The following UGT1A6 variants were observed in gnomAD, a reference collection of about 807,000 sequenced individuals.
UGT1A6 encodes UDP glucuronosyltransferase family 1 member A6, also known as UDP-glucuronosyltransferase 1A6.
Under a neutral mutation model 44.4 loss-of-function variants are expected in UGT1A6, and 32 were observed. The observed-to-expected ratio is 0.72, with a 90% confidence interval of 0.54 to 0.97. The LOEUF (loss-of-function observed/expected upper bound fraction) is 0.97. Ranked by LOEUF, UGT1A6 falls within the 50% of genes least tolerant of loss-of-function variation. UGT1A6 has a pLI of 0.00. For synonymous variants in UGT1A6, 238 were observed against 248.5 expected (o/e 0.96, Z 0.40); for missense variants, 685 against 661.9 (o/e 1.03, Z -0.38).
intron 1 of UGT1A6, among the ~76,000 whole-genome samples, chr2:233,721,208 T>C (rs1235207261): frequency 6.6e-6 from 1 of 152,250 alleles, no homozygotes; most frequent in East Asian, 1.9e-4. Flanking sequence ...ACTGGTTTTC[T>C]TTTCCCCTTA....
Position 233,756,181 on chromosome 2 carries a change from G to A in UGT1A6, c.862-10853G>A, listed in dbSNP as rs998894236. 3.9e-5 allele frequency: 6 copies of A among 152,158 alleles called. No homozygotes were observed. In the South Asian group the frequency reaches 6.2e-4, roughly 16 times the overall value. The allele number at this position is 152,158 out of a possible 1,614,324, so 9.4% of individuals were successfully genotyped here. ...TTTCCTGGCTCATACTTTGAGAATC[G>A]CTAGTCTAGCAGAGTAGTCCCTGGT... is the stretch of plus-strand genomic sequence containing the variant. On this transcript the variant is annotated intron_variant, in intron 1 of 4. Coordinates refer to ENST00000305139, the MANE Select transcript of UGT1A6 (RefSeq NM_001072.4).
intron 1 of UGT1A6, among the ~76,000 whole-genome samples, chr2:233,752,942 C>T (rs540473054): frequency 6.6e-6 from 1 of 152,310 alleles, no homozygotes; most frequent in South Asian, 2.1e-4. Context: ...CTTTGCTGAC[C>T]ACTGAACAAT....
chr2:233,740,052 T>C (rs368597738), intron 1 of UGT1A6, among the ~76,000 whole-genome samples: 5 of 151,870 alleles, frequency 3.3e-5, no homozygotes, highest in African/African-American at 1.2e-4. Context: ...CTTTCTCCTT[T>C]ACTCACAAGC....
chr2:233,749,957 G>T (rs1223169654), intron 1 of UGT1A6, among the ~76,000 whole-genome samples: 2 of 151,888 alleles, frequency 1.3e-5, no homozygotes, highest in African/African-American at 4.9e-5. Context: ...CGAGTCTTGG[G>T]TATGTCTTTA....
At chr2:233,729,970 G>A in intron 1 of UGT1A6, 4 of 1,614,030 alleles carry the variant, frequency 2.5e-6, no homozygotes, top group Non-Finnish European at 3.4e-6. Flanking sequence ...CATCAACTGT[G>A]CCAACAGGAA....
intron 1 of UGT1A6, among the ~76,000 whole-genome samples, chr2:233,725,051 G>A: frequency 6.8e-6 from 1 of 147,840 alleles, no homozygotes; most frequent in East Asian, 2.1e-4. Flanking sequence ...GTCAGGCGTG[G>A]CGGCGCGCGC....
At chr2:233,736,086 A>G (rs1432268125) in intron 1 of UGT1A6, among the ~76,000 whole-genome samples, 1 of 152,152 alleles carries the variant, frequency 6.6e-6, no homozygotes, top group Admixed American at 6.5e-5. Flanking sequence ...GTTCTCCTGG[A>G]TAATATCCTG....
intron 1 of UGT1A6, among the ~76,000 whole-genome samples, chr2:233,750,114 G>T (rs1694365231): frequency 6.6e-6 from 1 of 151,914 alleles, no homozygotes; most frequent in South Asian, 2.1e-4. Flanking sequence ...AAGAAGACAG[G>T]AAGATGTGGG....
At chr2:233,765,838 T>A (rs1248201211) in intron 1 of UGT1A6, among the ~76,000 whole-genome samples, 1 of 152,108 alleles carries the variant, frequency 6.6e-6, no homozygotes, top group Non-Finnish European at 1.5e-5. Flanking sequence ...AAAACTTTCC[T>A]TGTCCCCCTC....
At position 233,719,178 on chromosome 2, in the gene UGT1A6, G is replaced by A. The variant is rs749190317; in HGVS notation, c.861+25313G>A. On this transcript the variant is annotated intron_variant, in intron 1 of 4. Transcript: ENST00000305139. ...TAGAAGTATGGCAATTATGAACAAT[G>A]TATCTTTGGCCCTTCATAGGTGTTG... The A allele has an allele frequency of 1.7e-5, 27 of 1,614,094 alleles. No homozygotes were observed. The highest frequency in any genetic ancestry group is 1.6e-4 in the Middle Eastern group (1 of 6,084).
intron 1 of UGT1A6, among the ~76,000 whole-genome samples, chr2:233,757,354 A>G (rs1200250892): frequency 1.3e-5 from 2 of 150,876 alleles, no homozygotes; most frequent in Non-Finnish European, 2.9e-5. Flanking sequence ...GGTCTGAGAG[A>G]CAGTGGTAGA....
At chr2:233,724,637 T>G (rs1254622802) in intron 1 of UGT1A6, among the ~76,000 whole-genome samples, 13 of 131,504 alleles carry the variant, frequency 9.9e-5, no homozygotes, top group African/African-American at 2.7e-4. Context: ...TTCCTAGATG[T>G]GATGGCGGCT....
chr2:233,722,507 T>C lies in UGT1A6; in HGVS notation c.861+28642T>C, dbSNP rs188387982. 9.8e-5 allele frequency among the ~76,000 whole-genome samples: 15 copies of C among 152,358 alleles called. No individual in the cohort carries two copies. The East Asian group carries it at 1.5e-3, about 16-fold the overall frequency. On this transcript the variant is annotated intron_variant, in intron 1 of 4. Transcript: ENST00000305139. The stretch of plus-strand genomic sequence containing the variant: ...ACTGTTTCATTTTCCGTTTCGTTAA[T>C]TGCAGCTTATTTTTGCCTTAATGAT...
At position 233,754,406 on chromosome 2, in the gene UGT1A6, A is replaced by G. The variant is rs1695474785; in HGVS notation, c.862-12628A>G. The G allele has an allele frequency of 8.8e-6, 3 of 341,438 alleles. No individual in the cohort carries two copies. The Admixed American group carries it at 1.2e-4, about 14-fold the overall frequency. The allele number at this position is 341,438 out of a possible 1,614,324, so 21.2% of individuals were successfully genotyped here. A position where few individuals can be genotyped will look rare whatever the true frequency, so the allele number is the denominator to read the frequency against. ...ACAGAGGTCCTATCCGTGCAGTCCC[A>G]ACAATAAAGACAGGCATTGGCATAA... On this transcript the variant is annotated intron_variant, in intron 1 of 4. Transcript: ENST00000305139.
chr2:233,710,376 T>C (rs538501974), intron 1 of UGT1A6, among the ~76,000 whole-genome samples: 1 of 152,360 alleles, frequency 6.6e-6, no homozygotes, highest in South Asian at 2.1e-4. Flanking sequence ...TTTACATTCC[T>C]AACAGCAACG....
chr2:233,752,828 G>A (rs1490866315), intron 1 of UGT1A6, among the ~76,000 whole-genome samples: 1 of 152,172 alleles, frequency 6.6e-6, no homozygotes, highest in Non-Finnish European at 1.5e-5. Context: ...TATGACATCA[G>A]TAATCTAGGA....
intron 1 of UGT1A6, chr2:233,743,832 T>TG (rs1692537259): frequency 7.3e-7 from 1 of 1,367,134 alleles, no homozygotes; most frequent in South Asian, 1.1e-5. Flanking sequence ...GGGTGCCACT[T>TG]GAGCGCCAGC....
intron 1 of UGT1A6, chr2:233,729,276 G>A (rs765243640): frequency 3.1e-6 from 5 of 1,614,232 alleles, no homozygotes; most frequent in Admixed American, 3.3e-5. Context: ...TCTTGCGGGA[G>A]CTCCATGCCA....
intron 1 of UGT1A6, chr2:233,747,639 G>A: frequency 6.3e-7 from 1 of 1,582,892 alleles, no homozygotes; most frequent in East Asian, 2.2e-5. Context: ...GCACCTGAAT[G>A]CTACTTCCTT....
Sources: allele counts gnomAD v4.1 joint callset (sites outside exome capture counted in the v4.1 genomes callset), GRCh38; gene constraint gnomAD v4.1.1; transcripts MANE v1.5; gene names NCBI Gene and HGNC (gene_info 2026-07-23, HGNC 2026-07-21).